CEP135: variants seen among roughly 807,000 people sequenced by gnomAD.
The protein encoded by CEP135 is centrosomal protein 135, also known as centrosomal protein of 135 kDa.
Under a neutral mutation model 157.3 loss-of-function variants are expected in CEP135, and 142 were observed. That is an observed-to-expected ratio of 0.90 (90% CI 0.79 to 1.04). The LOEUF (loss-of-function observed/expected upper bound fraction) is 1.04, where lower values mean the gene tolerates loss of function less well. Ranked by LOEUF, CEP135 falls within the 50% of genes least tolerant of loss-of-function variation. CEP135 has a pLI of 0.00. For missense variants in CEP135, 1,317 were observed against 1,309.2 expected, an observed-to-expected ratio of 1.01 and a Z score of -0.09; for synonymous variants, 396 against 439.8, an observed-to-expected ratio of 0.90 and a Z score of 1.25.
Position 55,971,275 on chromosome 4 carries a change from G to T in CEP135, c.1116G>T (p.Leu372Phe). 6.3e-7 allele frequency: 1 copy of T among 1,576,348 alleles called. No individual in the cohort carries two copies. Among genetic ancestry groups the T allele is most frequent in the South Asian group, 1.2e-5 (1 of 83,422 alleles). ...TATAGTATTAAAATTTGCAGGAATT[G>T]AACTTATGCCAGAAAGAAAAGGAGA... ...EETMAKLQLE[L>F]NLCQKEKERL... The change falls in exon 10 of 26, where the codon TTG becomes TTT. Residue 372 changes from leucine to phenylalanine, a missense_variant. Leu to Phe is a conservative substitution (Grantham distance 22, BLOSUM62 0). Transcript: ENST00000257287.
intron 17 of CEP135, among the ~76,000 whole-genome samples, chr4:56,001,083 C>T (rs961644656): frequency 3.9e-5 from 6 of 151,934 alleles, no homozygotes; most frequent in Non-Finnish European, 7.4e-5. Flanking sequence ...AATCTTTGCC[C>T]GTTTTAAAAT....
At chr4:55,990,819 C>T (rs887796061) in intron 14 of CEP135, among the ~76,000 whole-genome samples, 2 of 152,202 alleles carry the variant, frequency 1.3e-5, no homozygotes, top group South Asian at 4.1e-4. Flanking sequence ...CCATAACGCC[C>T]AGCCCCCTAC....
chr4:56,011,288 G>C (rs1730572915), intron 19 of CEP135, 124 bp from the exon 20 acceptor site: 1 of 637,730 alleles, frequency 1.6e-6, no homozygotes, highest in East Asian at 3.0e-5. Flanking sequence ...ATAACACTTA[G>C]GAACAGTTTT....
intron 23 of CEP135, 43 bp downstream of exon 23, chr4:56,019,598 A>G: frequency 6.6e-7 from 1 of 1,515,616 alleles, no homozygotes. Flanking sequence ...ATTGCTTGTG[A>G]AGGATAGTTT....
chr4:56,009,155 G>T (rs35093456), intron 18 of CEP135, among the ~76,000 whole-genome samples: 81,548 of 151,852 alleles, frequency 0.54, 22,118 homozygotes, highest in Admixed American at 0.6. Context: ...AACTGTTTTT[G>T]TTGTTGTTGT....
At position 55,974,974 on chromosome 4, in the gene CEP135, T is replaced by C. The variant is rs1213118238; in HGVS notation, c.1473+5T>C. On this transcript the variant is annotated splice_donor_5th_base_variant and intron_variant, in intron 11 of 25. Transcript: ENST00000257287. ...ATATTTAGAACACCAGAAAAGGTAA[T>C]GTCCCTTTATAAGAGTAGGCCAGAA... 6.3e-7 allele frequency: 1 copy of C among 1,584,550 alleles called. No homozygotes were observed. The highest frequency in any genetic ancestry group is 8.6e-7 in the Non-Finnish European group (1 of 1,161,798).
intron 17 of CEP135, among the ~76,000 whole-genome samples, chr4:56,001,338 A>G (rs767867099): frequency 3.3e-5 from 5 of 152,126 alleles, no homozygotes; most frequent in Non-Finnish European, 7.3e-5. Flanking sequence ...GTCCACACCA[A>G]TGTCTTAGAG....
At chr4:55,993,786 T>G (rs1238998894) in intron 15 of CEP135, among the ~76,000 whole-genome samples, 1 of 152,204 alleles carries the variant, frequency 6.6e-6, no homozygotes, top group Non-Finnish European at 1.5e-5. Flanking sequence ...CTTTCTTGGA[T>G]AACCTAGCCT....
chr4:55,980,223 T>C lies in CEP135; in HGVS notation c.1554T>C (p.Tyr518=), dbSNP rs1323262866. Residue 518 remains tyrosine, a synonymous_variant, in exon 12 of 26, where the codon TAT becomes TAC. Coordinates refer to ENST00000257287, the MANE Select transcript of CEP135 (RefSeq NM_025009.5). Reference sequence around the variant, plus strand: ...GTATGCTAGAAAGATTTGAAAAATATATGGAAGATATACAGTCCAATGTTA... The same window carrying C: ...GTATGCTAGAAAGATTTGAAAAATACATGGAAGATATACAGTCCAATGTTA... The part of the protein sequence containing the change: ...LQRMLERFEK[Y]MEDIQSNVKL... 4 of 1,588,662 alleles carry C rather than the reference T, an allele frequency of 2.5e-6. No individual in the cohort carries two copies. The highest frequency in any genetic ancestry group is 1.7e-5 in the Admixed American group (1 of 59,622).
chr4:56,009,276 C>T (rs926476982), intron 18 of CEP135, among the ~76,000 whole-genome samples: 1 of 152,178 alleles, frequency 6.6e-6, no homozygotes, highest in African/African-American at 2.4e-5. Flanking sequence ...ATTTTCCTGC[C>T]TCAGCCTCCC....
At chr4:56,016,945 G>C (rs949461978) in intron 21 of CEP135, among the ~76,000 whole-genome samples, 3 of 152,004 alleles carry the variant, frequency 2.0e-5, no homozygotes, top group African/African-American at 7.2e-5. Context: ...GAGTGTTGGG[G>C]TTGCAGACGT....
intron 19 of CEP135, 144 bp downstream of exon 19, chr4:56,010,047 G>C (rs964612488): frequency 1.1e-6 from 1 of 937,832 alleles, no homozygotes; most frequent in African/African-American, 1.7e-5. Context: ...TGTTTATCAG[G>C]GTATTAAAAA....
Position 55,992,090 on chromosome 4 carries a change from G to C in CEP135, c.2009+5G>C. On this transcript the variant is annotated splice_donor_5th_base_variant and intron_variant, in intron 15 of 25. Transcript: ENST00000257287. ...AACAGAGGTGAACTCACTTAGGTAA[G>C]TTTATTCAAAATTTTCTAATTTCAT... is the stretch of plus-strand genomic sequence containing the variant. 6.3e-7 allele frequency: 1 copy of C among 1,586,380 alleles called. No individual in the cohort carries two copies. The highest frequency in any genetic ancestry group is 8.5e-7 in the Non-Finnish European group (1 of 1,172,732).
chr4:55,999,499 A>T lies in CEP135; in HGVS notation c.2134A>T (p.Asn712Tyr). ...TTTCTTTTCATTTGTAGATGAACTA[A>T]ACCTTAAGATGACTTCACAGGATGA... The part of the protein sequence containing the change: ...KILEEKIDEL[N>Y]LKMTSQDEEA... The change falls in exon 17 of 26, where the codon AAC (asparagine) becomes TAC (tyrosine). Residue 712 changes from asparagine (N) to tyrosine (Y), a missense_variant. Transcript: ENST00000257287. 1.9e-6 allele frequency: 3 copies of T among 1,611,800 alleles called. No individual in the cohort carries two copies. Among genetic ancestry groups the T allele is most frequent in the Non-Finnish European group, 2.5e-6 (3 of 1,179,530 alleles).
chr4:55,960,891 A>G (rs1392422704), intron 6 of CEP135: 1 of 137,310 alleles, frequency 7.3e-6, no homozygotes, highest in African/African-American at 2.8e-5. Context: ...CCGCCACTGC[A>G]CTCCAGCCTG....
chr4:56,007,179 C>T (rs1412232863), intron 17 of CEP135, among the ~76,000 whole-genome samples: 1 of 152,228 alleles, frequency 6.6e-6, no homozygotes, highest in Admixed American at 6.5e-5. Flanking sequence ...CAGGCCTGAA[C>T]CACCACACCC....
At chr4:56,027,685 T>C (rs1731201164) in intron 25 of CEP135, among the ~76,000 whole-genome samples, 1 of 152,042 alleles carries the variant, frequency 6.6e-6, no homozygotes, top group African/African-American at 2.4e-5. Context: ...TGCATTTTTG[T>C]TTTGTTTTGT....
chr4:55,961,769 A>AC (rs1728688648), intron 6 of CEP135, among the ~76,000 whole-genome samples: 1 of 130,998 alleles, frequency 7.6e-6, no homozygotes, highest in African/African-American at 3.0e-5. Flanking sequence ...CTGTCTAAAA[A>AC]AAAAAAAAAA....
chr4:55,973,523 CCT>C (rs1010995042), intron 10 of CEP135, among the ~76,000 whole-genome samples: 1 of 152,100 alleles, frequency 6.6e-6, no homozygotes, highest in African/African-American at 2.4e-5. Context: ...CAGGAATGCC[CCT>C]CTTATAAAGG....
Sources: allele counts gnomAD v4.1 joint callset (sites outside exome capture counted in the v4.1 genomes callset), GRCh38; gene constraint gnomAD v4.1.1; transcripts MANE v1.5; gene names NCBI Gene and HGNC (gene_info 2026-07-23, HGNC 2026-07-21).